The following TPP2 variants were observed in gnomAD, a reference collection of about 807,000 sequenced individuals.
The protein encoded by TPP2 is tripeptidyl peptidase 2.
TPP2 carries 34 observed loss-of-function variants against 155.9 expected under a neutral mutation model. The ratio of observed to expected loss-of-function variants is 0.22; its 90% CI spans 0.17 to 0.29. The LOEUF (loss-of-function observed/expected upper bound fraction) is 0.29. TPP2 is among the 10% of genes least tolerant of loss of function. The pLI, the probability that TPP2 is intolerant of heterozygous loss-of-function variation, is 1.00. For missense variants in TPP2, 1,028 were observed against 1,522.3 expected, an observed-to-expected ratio of 0.68 and a Z score of 5.40; for synonymous variants, 510 against 529.4, an observed-to-expected ratio of 0.96 and a Z score of 0.50.
chr13:102,646,526 G>A, intron 20 of TPP2, 136 bp downstream of exon 20: 1 of 581,714 alleles, frequency 1.7e-6, no homozygotes. Context: ...AGTTAATTTG[G>A]AATTACTCTT....
chr13:102,606,527 G>A (rs145971396), intron 2 of TPP2, among the ~76,000 whole-genome samples: 81 of 152,296 alleles, frequency 5.3e-4, no homozygotes, highest in African/African-American at 1.9e-3. Flanking sequence ...TAAAACTCAT[G>A]ATAGCTTGCT....
Position 102,640,332 on chromosome 13 carries a change from T to C in TPP2, c.1976T>C (p.Ile659Thr). 3 of 1,613,720 alleles carry C rather than the reference T, an allele frequency of 1.9e-6. No homozygotes were observed. Among genetic ancestry groups the C allele is most frequent in the Non-Finnish European group, 2.5e-6 (3 of 1,179,758 alleles). The change falls in exon 16 of 30, where the codon ATT becomes ACT. Residue 659 changes from isoleucine to threonine, a missense_variant. Physicochemically the swap from Ile to Thr is moderately conservative, Grantham distance 89. This residue lies in a region of TPP2 where 325 missense variants were observed against 463.7 expected (regional missense o/e 0.70). Coordinates refer to ENST00000376052, the MANE Select transcript of TPP2 (RefSeq NM_001330588.2). Reference sequence around the variant, plus strand: ...GATGTACACTTTAAACCTGGTCAAATTCGAAGGCATTTTATTGAGGTTCCT... The same window carrying C: ...GATGTACACTTTAAACCTGGTCAAACTCGAAGGCATTTTATTGAGGTTCCT... ...FTDVHFKPGQ[I>T]RRHFIEVPEG...
chr13:102,674,232 T>C, intron 27 of TPP2, 51 bp from the exon 28 acceptor site: 1 of 1,550,706 alleles, frequency 6.4e-7, no homozygotes, highest in Non-Finnish European at 8.7e-7. Flanking sequence ...AAGAATTTAC[T>C]TTTAAAGACA....
rs1201335187 is a variant in TPP2 at position 102,637,189 on chromosome 13, A to C, written c.1786A>C (p.Asn596His). 6.2e-7 allele frequency: 1 copy of C among 1,611,670 alleles called. No individual in the cohort carries two copies. Among genetic ancestry groups the C allele is most frequent in the East Asian group, 2.2e-5 (1 of 44,844 alleles). ...LELMNQCRHI[N>H]IRVDPRGLRE... ...ACTCATGAATCAATGTAGACACATA[A>C]ACATACGTGTGGATCCCAGGGGCTT... is the stretch of plus-strand genomic sequence containing the variant. The change falls in exon 14 of 30, where the codon AAC becomes CAC. Residue 596 changes from asparagine (N) to histidine (H), a missense_variant. Around this residue, in one of 7 missense-constraint regions of TPP2, gnomAD observed 325 missense variants for 463.7 expected, o/e 0.70. Transcript: ENST00000376052.
intron 29 of TPP2, among the ~76,000 whole-genome samples, chr13:102,676,626 A>G (rs1370316366): frequency 6.6e-6 from 1 of 152,242 alleles, no homozygotes; most frequent in African/African-American, 2.4e-5. Context: ...ACTGCTATCC[A>G]AAAAACTGAT....
intron 15 of TPP2, 150 bp downstream of exon 15, chr13:102,638,465 C>A: frequency 1.2e-6 from 1 of 812,030 alleles, no homozygotes; most frequent in Non-Finnish European, 2.0e-6. Context: ...TTTTAGGTGT[C>A]ATGTAGTCAG....
chr13:102,603,507 G>T (rs1353887342), intron 1 of TPP2, among the ~76,000 whole-genome samples: 1 of 152,162 alleles, frequency 6.6e-6, no homozygotes, highest in East Asian at 1.9e-4. Context: ...AAGAGATAAA[G>T]AATTCTAGGC....
intron 2 of TPP2, among the ~76,000 whole-genome samples, chr13:102,605,713 T>A (rs915608240): frequency 7.3e-5 from 11 of 150,120 alleles, no homozygotes; most frequent in African/African-American, 2.2e-4. Flanking sequence ...TTTTTTTTTT[T>A]AAACTTCTTT....
intron 10 of TPP2, among the ~76,000 whole-genome samples, chr13:102,633,144 C>G (rs896559252): frequency 1.3e-5 from 2 of 152,178 alleles, no homozygotes; most frequent in African/African-American, 2.4e-5. Flanking sequence ...GTGTGCTATT[C>G]TGTGCCATTC....
At chr13:102,672,219 A>C (rs942057799) in intron 27 of TPP2, among the ~76,000 whole-genome samples, 1 of 152,200 alleles carries the variant, frequency 6.6e-6, no homozygotes, top group Non-Finnish European at 1.5e-5. Context: ...GAGAGTTAGC[A>C]GTCCCCCTAA....
At position 102,610,481 on chromosome 13, in the gene TPP2, C is replaced by T. The variant is rs186256622; in HGVS notation, c.295-3620C>T. Among the ~76,000 whole-genome samples, 1,402 of 152,308 alleles carry T rather than the reference C, an allele frequency of 9.2e-3. 14 individuals are homozygous for T. The highest frequency in any genetic ancestry group is 0.02 in the South Asian group (96 of 4,828). On this transcript the variant is annotated intron_variant, in intron 2 of 29. Transcript: ENST00000376052. The stretch of plus-strand genomic sequence containing the variant: ...CTGACATCAGGTGATCCACCCACTT[C>T]GGCCTCCCAGAGTGCTGGGATTACA...
intron 24 of TPP2, among the ~76,000 whole-genome samples, chr13:102,654,283 A>G (rs1277725300): frequency 6.6e-6 from 1 of 152,194 alleles, no homozygotes; most frequent in East Asian, 1.9e-4. Context: ...AACATCTTGT[A>G]GGATTACACT....
intron 27 of TPP2, among the ~76,000 whole-genome samples, chr13:102,672,165 C>G (rs769909091): frequency 2.6e-5 from 4 of 152,146 alleles, no homozygotes; most frequent in Non-Finnish European, 4.4e-5. Context: ...ACACAGGTAT[C>G]CAGTGAAACA....
intron 1 of TPP2, among the ~76,000 whole-genome samples, chr13:102,599,436 T>C (rs937179607): frequency 5.3e-5 from 8 of 152,110 alleles, no homozygotes; most frequent in Non-Finnish European, 1.0e-4. Flanking sequence ...GATATATGTG[T>C]ACATCATTAA....
At chr13:102,628,547 T>A (rs574664070) in intron 8 of TPP2, among the ~76,000 whole-genome samples, 35 of 152,174 alleles carry the variant, frequency 2.3e-4, no homozygotes, top group Non-Finnish European at 4.6e-4. Flanking sequence ...GCACCCCCAC[T>A]CCCCTCCTTC....
At position 102,657,157 on chromosome 13, in the gene TPP2, A is replaced by G; in HGVS notation, c.3093A>G (p.Lys1031=). 6.3e-7 allele frequency: 1 copy of G among 1,598,384 alleles called. No homozygotes were observed. Among genetic ancestry groups the G allele is most frequent in the Non-Finnish European group, 8.5e-7 (1 of 1,176,126 alleles). Residue 1031 remains lysine (K), a synonymous_variant, in exon 25 of 30, where the codon AAA becomes AAG. Coordinates refer to ENST00000376052, the MANE Select transcript of TPP2 (RefSeq NM_001330588.2). ...EKDSEKEKDL[K]EEFTEALRDL... ...ATTCAGAAAAAGAGAAAGATTTAAA[A>G]GAAGAGTTTACTGAAGCATTACGAG...
intron 27 of TPP2, 90 bp from the exon 28 acceptor site, chr13:102,674,193 C>G (rs1885162136): frequency 1.8e-5 from 24 of 1,359,008 alleles, no homozygotes; most frequent in Admixed American, 9.5e-5. Context: ...AAATCTTAGG[C>G]AAAAGAATAC....
In TPP2 at chr13:102,647,231, A is replaced by G. The variant is rs749619439; in HGVS notation, c.2515A>G (p.Ser839Gly). Residue 839 changes from serine to glycine, a missense_variant, in exon 21 of 30, where the codon AGC becomes GGC. By Grantham distance (56) the Ser-to-Gly change is moderately conservative. This residue lies in a region of TPP2 where 325 missense variants were observed against 463.7 expected (regional missense o/e 0.70). Coordinates refer to ENST00000376052, the MANE Select transcript of TPP2 (RefSeq NM_001330588.2). The stretch of plus-strand genomic sequence containing the variant: ...GCCCAAGAGTGGGGAAGTAACTCCA[A>G]GCTGCCCACTACTTTGTGAACTATT... Reference protein sequence around the residue: ...HQPKSGEVTPSCPLLCELLYE... With the variant: ...HQPKSGEVTPGCPLLCELLYE... 5 of 1,613,278 alleles carry G rather than the reference A, an allele frequency of 3.1e-6. No homozygotes were observed. Among genetic ancestry groups the G allele is most frequent in the Non-Finnish European group, 3.4e-6 (4 of 1,179,760 alleles).
At chr13:102,605,540 G>A (rs1879754849) in intron 2 of TPP2, among the ~76,000 whole-genome samples, 1 of 152,120 alleles carries the variant, frequency 6.6e-6, no homozygotes, top group Non-Finnish European at 1.5e-5. Context: ...TTTTCAGTGA[G>A]CTTGCCAAAT....
Sources: allele counts gnomAD v4.1 joint callset (sites outside exome capture counted in the v4.1 genomes callset), GRCh38; gene constraint gnomAD v4.1.1; regional missense constraint gnomAD v4.1.1; transcripts MANE v1.5; gene names NCBI Gene and HGNC (gene_info 2026-07-23, HGNC 2026-07-21).